The following TAFA1 variants were observed in gnomAD, a reference collection of about 807,000 sequenced individuals.
The protein encoded by TAFA1 is chemokine-like protein TAFA-1.
A neutral mutation model predicts 18.5 loss-of-function variants in TAFA1; 4 were observed. The observed-to-expected ratio is 0.22, with a 90% CI of 0.11 to 0.49. The LOEUF is 0.49. TAFA1 is among the 20% of genes least tolerant of loss of function. The pLI is 0.98. For synonymous variants in TAFA1, 56 were observed against 55.2 expected (o/e 1.01, Z -0.06); for missense variants, 147 against 169.0 (o/e 0.87, Z 0.72).
chr3:68,311,236 A>G (rs2068510276), intron 2 of TAFA1, among the ~76,000 whole-genome samples: 2 of 152,092 alleles, frequency 1.3e-5, no homozygotes, highest in Admixed American at 1.3e-4. Flanking sequence ...GAATTATGGG[A>G]GCTACAAGAT....
intron 2 of TAFA1, among the ~76,000 whole-genome samples, chr3:68,072,259 A>G (rs188310549): frequency 1.3e-5 from 2 of 152,312 alleles, no homozygotes; most frequent in South Asian, 2.1e-4. Flanking sequence ...CAGAGCAGAT[A>G]TCATGAGCAA....
chr3:68,248,713 C>T (rs373860946), intron 2 of TAFA1, among the ~76,000 whole-genome samples: 6 of 5,078 alleles, frequency 1.2e-3, no homozygotes, highest in Middle Eastern at 0.062. Context: ...CTGAGTTTTG[C>T]GGGGTGGGTG....
intron 2 of TAFA1, among the ~76,000 whole-genome samples, chr3:68,310,083 C>T (rs1471599639): frequency 6.6e-6 from 1 of 152,048 alleles, no homozygotes; most frequent in African/African-American, 2.4e-5. Flanking sequence ...ACAAATCATA[C>T]TGTTAGAAGT....
chr3:68,381,782 C>G (rs942838520), intron 2 of TAFA1, among the ~76,000 whole-genome samples: 14 of 152,154 alleles, frequency 9.2e-5, no homozygotes, highest in African/African-American at 3.1e-4. Context: ...TGCCTGATTG[C>G]CCTGGCCAGA....
At chr3:68,305,744 T>A (rs1196916323) in intron 2 of TAFA1, among the ~76,000 whole-genome samples, 1 of 151,812 alleles carries the variant, frequency 6.6e-6, no homozygotes, top group Non-Finnish European at 1.5e-5. Flanking sequence ...GTAATAGGAA[T>A]ATTGAGAGGC....
At chr3:68,231,352 T>A (rs958274592) in intron 2 of TAFA1, among the ~76,000 whole-genome samples, 34 of 132,264 alleles carry the variant, frequency 2.6e-4, no homozygotes, top group African/African-American at 9.4e-4. Flanking sequence ...TGATTTTTTT[T>A]TTTTTTTTTT....
At chr3:68,115,382 T>A (rs1224248342) in intron 2 of TAFA1, among the ~76,000 whole-genome samples, 2 of 152,160 alleles carry the variant, frequency 1.3e-5, no homozygotes, top group African/African-American at 4.8e-5. Context: ...CGCTACTATG[T>A]CATCTGTGAA....
At chr3:68,415,076 C>T (rs908336053) in intron 2 of TAFA1, among the ~76,000 whole-genome samples, 12 of 152,088 alleles carry the variant, frequency 7.9e-5, no homozygotes, top group Admixed American at 7.2e-4. Context: ...AACTTGAATC[C>T]CAGTGTCGTG....
chr3:68,454,773 C>A (rs943635666), intron 3 of TAFA1, among the ~76,000 whole-genome samples: 3 of 152,184 alleles, frequency 2.0e-5, no homozygotes, highest in Non-Finnish European at 4.4e-5. Flanking sequence ...ACTTAAAATG[C>A]TATGTCCCTA....
At chr3:68,142,204 C>T (rs2065675197) in intron 2 of TAFA1, among the ~76,000 whole-genome samples, 1 of 152,160 alleles carries the variant, frequency 6.6e-6, no homozygotes, top group Non-Finnish European at 1.5e-5. Flanking sequence ...CTTTGTTTCT[C>T]ATTCAAGCTT....
chr3:68,495,581 T>A (rs1220484371), intron 3 of TAFA1, among the ~76,000 whole-genome samples: 1 of 152,122 alleles, frequency 6.6e-6, no homozygotes, highest in African/African-American at 2.4e-5. Context: ...TTGATTTTAG[T>A]TAGACTGAAA....
In TAFA1 at chr3:68,179,374, C is replaced by T. The variant is rs551977287; in HGVS notation, c.118+172630C>T. Reference sequence around the variant, plus strand: ...ACTTAATTTAAGTGCACAAGTATTACAGAATGAAAGTGGAATTCTGATCTT... The same window carrying T: ...ACTTAATTTAAGTGCACAAGTATTATAGAATGAAAGTGGAATTCTGATCTT... On this transcript the variant is annotated intron_variant, in intron 2 of 4. Coordinates refer to ENST00000478136, the MANE Select transcript of TAFA1 (RefSeq NM_213609.4). 1.2e-3 allele frequency among the ~76,000 whole-genome samples: 177 copies of T among 152,278 alleles called. 1 individual carries two copies. The highest frequency in any genetic ancestry group is 4.0e-3 in the African/African-American group (166 of 41,558).
At chr3:68,462,536 T>A (rs1286122826) in intron 3 of TAFA1, among the ~76,000 whole-genome samples, 1 of 152,228 alleles carries the variant, frequency 6.6e-6, no homozygotes, top group Non-Finnish European at 1.5e-5. Flanking sequence ...CAAATTATGC[T>A]GTATTGACTA....
At chr3:68,120,199 TTCTTTCTTTCTTTCTTTCTTTC>T (rs2065377138) in intron 2 of TAFA1, among the ~76,000 whole-genome samples, 1 of 84,088 alleles carries the variant, frequency 1.2e-5, no homozygotes, top group Non-Finnish European at 2.3e-5. Flanking sequence ...CTTTCTTTCT[TTCTTTCTTTCTTTCTTTCTTTC>T]TTTCTTTCTT....
intron 2 of TAFA1, among the ~76,000 whole-genome samples, chr3:68,260,898 A>C (rs2067405686): frequency 6.6e-6 from 1 of 152,186 alleles, no homozygotes; most frequent in Non-Finnish European, 1.5e-5. Context: ...AGCAATGGCA[A>C]CAAAAGCCAA....
At chr3:68,130,498 T>C (rs1190042378) in intron 2 of TAFA1, among the ~76,000 whole-genome samples, 1 of 152,142 alleles carries the variant, frequency 6.6e-6, no homozygotes, top group Non-Finnish European at 1.5e-5. Context: ...TTCCATTGAA[T>C]ACCATTTCTC....
intron 2 of TAFA1, among the ~76,000 whole-genome samples, chr3:68,132,124 A>G (rs1001531477): frequency 1.3e-5 from 2 of 151,954 alleles, no homozygotes; most frequent in African/African-American, 4.8e-5. Flanking sequence ...AGTGAGAACA[A>G]GTGGTGTTTG....
intron 3 of TAFA1, among the ~76,000 whole-genome samples, chr3:68,442,537 T>C (rs563118555): frequency 2.8e-4 from 42 of 152,242 alleles, no homozygotes; most frequent in Admixed American, 2.5e-3. Context: ...ACTATAGCAA[T>C]ACTAATATTC....
intron 2 of TAFA1, among the ~76,000 whole-genome samples, chr3:68,045,488 C>G (rs1378929461): frequency 6.6e-6 from 1 of 152,122 alleles, no homozygotes; most frequent in African/African-American, 2.4e-5. Flanking sequence ...GAAATGTGGG[C>G]TCTTCTGCCT....
Sources: gnomAD v4.1 joint callset for allele counts (sites outside exome capture counted in the v4.1 genomes callset) on GRCh38, gnomAD v4.1.1 for gene constraint, MANE v1.5 for transcripts, NCBI Gene and HGNC (gene_info 2026-07-23, HGNC 2026-07-21) for gene names.